Variants in SUGCT observed in about 807,000 individuals in gnomAD.
The protein encoded by SUGCT is succinyl-CoA:glutarate-CoA transferase.
Under a neutral mutation model 55.0 loss-of-function variants are expected in SUGCT, and 41 were observed. The ratio of observed to expected loss-of-function variants is 0.74; its 90% CI spans 0.58 to 0.97. The LOEUF is 0.97. SUGCT is among the 50% of genes least tolerant of loss of function. The probability of loss-of-function intolerance (pLI) is 0.00; values close to 1 mark genes in which losing one functional copy is unlikely to be tolerated. For missense variants in SUGCT, 568 were observed against 547.8 expected, an observed-to-expected ratio of 1.04 and a Z score of -0.37; for synonymous variants, 187 against 200.4, an observed-to-expected ratio of 0.93 and a Z score of 0.56.
chr7:40,239,154 G>A (rs546866502), intron 7 of SUGCT, among the ~76,000 whole-genome samples: 6 of 151,968 alleles, frequency 3.9e-5, no homozygotes, highest in South Asian at 2.1e-4. Flanking sequence ...TGCAGCCTCC[G>A]TGGCACACTG....
chr7:40,597,495 T>C (rs1230239079), intron 12 of SUGCT, among the ~76,000 whole-genome samples: 2 of 152,236 alleles, frequency 1.3e-5, no homozygotes, highest in Non-Finnish European at 2.9e-5. Flanking sequence ...TCATCAGTGC[T>C]GTTTACCAAA....
chr7:40,760,531 CA>C (rs1223072615), intron 13 of SUGCT, among the ~76,000 whole-genome samples: 1 of 151,938 alleles, frequency 6.6e-6, no homozygotes, highest in African/African-American at 2.4e-5. Context: ...AATAGTTGCA[CA>C]ACAATGTGAA....
At chr7:40,421,996 A>G (rs972173204) in intron 9 of SUGCT, among the ~76,000 whole-genome samples, 4 of 151,142 alleles carry the variant, frequency 2.6e-5, no homozygotes, top group African/African-American at 9.7e-5. Flanking sequence ...GGTGTCTAAC[A>G]TTTTCCCTCT....
chr7:40,934,394 G>A, the SUGCT span, among the ~76,000 whole-genome samples: 3 of 152,198 alleles, frequency 2.0e-5, no homozygotes, highest in African/African-American at 7.2e-5. Context: ...CTACATGGGA[G>A]TCAGGGACCC....
chr7:40,156,974 C>T (rs545468868), intron 1 of SUGCT, among the ~76,000 whole-genome samples: 1 of 146,554 alleles, frequency 6.8e-6, no homozygotes, highest in Non-Finnish European at 1.5e-5. Context: ...GAGATGGCAC[C>T]ACTGTACTTC....
chr7:40,630,418 A>C (rs1272549393), intron 12 of SUGCT, among the ~76,000 whole-genome samples: 1 of 152,230 alleles, frequency 6.6e-6, no homozygotes, highest in Non-Finnish European at 1.5e-5. Flanking sequence ...CCAATGGAGA[A>C]CAGAGATGCT....
chr7:40,986,633 C>A, the SUGCT span, among the ~76,000 whole-genome samples: 1 of 152,184 alleles, frequency 6.6e-6, no homozygotes, highest in Non-Finnish European at 1.5e-5. Flanking sequence ...CATTAGTAGC[C>A]TATTTTTAGC....
At chr7:40,238,902 C>A (rs948181084) in intron 7 of SUGCT, among the ~76,000 whole-genome samples, 38 of 151,606 alleles carry the variant, frequency 2.5e-4, no homozygotes, top group African/African-American at 8.0e-4. Flanking sequence ...CTCACTGCAG[C>A]CTCTGCCTCC....
chr7:40,365,599 A>G (rs1783907562), intron 9 of SUGCT, among the ~76,000 whole-genome samples: 1 of 152,074 alleles, frequency 6.6e-6, no homozygotes, highest in Non-Finnish European at 1.5e-5. Context: ...AAAAATCACA[A>G]GCATTCTTAT....
At chr7:41,032,475 C>G in the SUGCT span, among the ~76,000 whole-genome samples, 3 of 152,154 alleles carry the variant, frequency 2.0e-5, no homozygotes, top group East Asian at 5.8e-4. Context: ...GCCTGTCTTC[C>G]TCTTTTTTTG....
chr7:40,237,034 T>C (rs936151513), intron 6 of SUGCT, among the ~76,000 whole-genome samples: 5 of 151,938 alleles, frequency 3.3e-5, no homozygotes, highest in African/African-American at 1.2e-4. Context: ...GGTTTCACCA[T>C]GTTGGCCAGG....
chr7:40,921,237 ATTTT>A, the SUGCT span, among the ~76,000 whole-genome samples: 1 of 152,044 alleles, frequency 6.6e-6, no homozygotes, highest in Admixed American at 6.5e-5. Flanking sequence ...TTATTTATTT[ATTTT>A]TTTACAAAAT....
At chr7:40,243,727 A>G (rs981477252) in intron 7 of SUGCT, among the ~76,000 whole-genome samples, 3 of 152,064 alleles carry the variant, frequency 2.0e-5, no homozygotes, top group Non-Finnish European at 2.9e-5. Flanking sequence ...TTCTGTGAGA[A>G]CTTCCATGGT....
chr7:40,326,292 A>G (rs570070036), intron 9 of SUGCT, among the ~76,000 whole-genome samples: 1 of 152,216 alleles, frequency 6.6e-6, no homozygotes, highest in Admixed American at 6.5e-5. Flanking sequence ...AAAAGAGATC[A>G]TTGTACTAAG....
chr7:40,854,886 T>C (rs1175979416), intron 13 of SUGCT, among the ~76,000 whole-genome samples: 1 of 152,028 alleles, frequency 6.6e-6, no homozygotes, highest in Non-Finnish European at 1.5e-5. Flanking sequence ...CAGTGAGCTA[T>C]GATAGTGCCT....
At position 40,161,959 on chromosome 7, in the gene SUGCT, C is replaced by T. The variant is rs780350197; in HGVS notation, c.101-18988C>T. Among the ~76,000 whole-genome samples the T allele has an allele frequency of 3.3e-4, 50 of 152,080 alleles. No homozygotes were observed. In the East Asian group the frequency reaches 5.8e-3, roughly 18 times the overall value. On this transcript the variant is annotated intron_variant, in intron 1 of 13. Coordinates refer to ENST00000335693, the MANE Select transcript of SUGCT (RefSeq NM_001193313.2). ...GTCACCAGGCTGGAGTGCAGTGGTG[C>T]GATCTTGGCTCATTGCAACCTCCGC...
At chr7:40,521,468 A>G (rs574805536) in intron 12 of SUGCT, among the ~76,000 whole-genome samples, 4 of 152,194 alleles carry the variant, frequency 2.6e-5, no homozygotes, top group African/African-American at 9.6e-5. Flanking sequence ...GTTAAATAGT[A>G]GTAAGGATTC....
chr7:40,371,160 C>T (rs955505738), intron 9 of SUGCT, among the ~76,000 whole-genome samples: 5 of 152,014 alleles, frequency 3.3e-5, no homozygotes, highest in African/African-American at 1.2e-4. Flanking sequence ...TGTTTCTTAC[C>T]CAATTTTCCC....
chr7:40,174,507 T>C (rs1354200620), intron 1 of SUGCT, among the ~76,000 whole-genome samples: 1 of 152,218 alleles, frequency 6.6e-6, no homozygotes, highest in Non-Finnish European at 1.5e-5. Flanking sequence ...ATGCAGTGGC[T>C]CATGCCTGTA....
Sources: gnomAD v4.1 joint callset for allele counts (sites outside exome capture counted in the v4.1 genomes callset) on GRCh38, gnomAD v4.1.1 for gene constraint, MANE v1.5 for transcripts, NCBI Gene and HGNC (gene_info 2026-07-23, HGNC 2026-07-21) for gene names.